The following CSMD1 variants were observed in gnomAD, a reference collection of about 807,000 sequenced individuals.
CSMD1 encodes the protein CUB and Sushi multiple domains 1.
Under a neutral mutation model 417.5 loss-of-function variants are expected in CSMD1, and 213 were observed. That is an observed-to-expected ratio of 0.51 (90% CI 0.46 to 0.57). The LOEUF (loss-of-function observed/expected upper bound fraction) is 0.57, where lower values mean the gene tolerates loss of function less well. Ranked by LOEUF, CSMD1 falls within the 20% of genes least tolerant of loss-of-function variation. The probability of loss-of-function intolerance (pLI) is 0.00; values close to 1 mark genes in which losing one functional copy is unlikely to be tolerated. For synonymous variants in CSMD1, 2,862 were observed against 1,736.8 expected (o/e 1.65, Z -16.11); for missense variants, 6,923 against 4,529.7 (o/e 1.53, Z -15.17).
rs17419121 is a variant in CSMD1 at position 4,765,041 on chromosome 8, G to T, written c.86-127483C>A. Among the ~76,000 whole-genome samples, 1,185 of 152,072 alleles carry T rather than the reference G, an allele frequency of 7.8e-3. 9 individuals are homozygous for T. The highest frequency in any genetic ancestry group is 0.012 in the Non-Finnish European group (844 of 67,998). On this transcript the variant is annotated intron_variant, in intron 1 of 69. Transcript: ENST00000635120. ...TTTAATTAAGCAACTGCATGTTTTC[G>T]CACCTATGTAGAGAGCTATCACACA...
chr8:4,574,635 G>C (rs1336616284), intron 2 of CSMD1, among the ~76,000 whole-genome samples: 1 of 152,184 alleles, frequency 6.6e-6, no homozygotes, highest in African/African-American at 2.4e-5. Context: ...ACATTAATGG[G>C]AGACACTTAA....
intron 3 of CSMD1, among the ~76,000 whole-genome samples, chr8:4,328,497 C>G (rs1253054663): frequency 2.0e-5 from 3 of 151,924 alleles, no homozygotes; most frequent in African/African-American, 4.8e-5. Context: ...ATTAGAAATA[C>G]TCCTCCTGCT....
At chr8:4,333,960 C>G (rs530908993) in intron 3 of CSMD1, among the ~76,000 whole-genome samples, 1 of 152,240 alleles carries the variant, frequency 6.6e-6, no homozygotes, top group South Asian at 2.1e-4. Flanking sequence ...GACACCATCA[C>G]GGCTCACTGC....
chr8:3,563,851 C>T (rs1033177221), intron 10 of CSMD1, among the ~76,000 whole-genome samples: 7 of 152,088 alleles, frequency 4.6e-5, no homozygotes, highest in South Asian at 2.1e-4. Flanking sequence ...AGTATGCCAT[C>T]GCACTCCAGC....
chr8:3,611,150 T>G (rs2469326), intron 8 of CSMD1, among the ~76,000 whole-genome samples: 1 of 149,834 alleles, frequency 6.7e-6, no homozygotes, highest in African/African-American at 2.5e-5. Context: ...AGTTAATGGC[T>G]GCAGCACACC....
intron 7 of CSMD1, among the ~76,000 whole-genome samples, chr8:3,701,361 T>C (rs2623584): frequency 0.96 from 145,539 of 152,164 alleles, 69,668 homozygotes; most frequent in East Asian, 1. Flanking sequence ...CTTCTCTTTT[T>C]CTTTGTCTCA....
At chr8:4,191,918 T>A (rs895037881) in intron 3 of CSMD1, among the ~76,000 whole-genome samples, 1 of 152,118 alleles carries the variant, frequency 6.6e-6, no homozygotes, top group African/African-American at 2.4e-5. Context: ...AAGTGAGCAT[T>A]AGCACAATTC....
chr8:4,574,879 G>C (rs1799065548), intron 2 of CSMD1, among the ~76,000 whole-genome samples: 2 of 152,112 alleles, frequency 1.3e-5, no homozygotes, highest in Non-Finnish European at 1.5e-5. Context: ...AATTTAAATA[G>C]ACTTTCTTTG....
chr8:4,361,138 G>C (rs13267028), intron 3 of CSMD1, among the ~76,000 whole-genome samples: 14,392 of 152,142 alleles, frequency 0.095, 985 homozygotes, highest in African/African-American at 0.18. Context: ...TCTCTGAGCT[G>C]AAGCTTTATC....
chr8:4,498,324 G>GAC, intron 2 of CSMD1, among the ~76,000 whole-genome samples: 1 of 152,050 alleles, frequency 6.6e-6, no homozygotes, highest in East Asian at 1.9e-4. Flanking sequence ...TAACTATTTA[G>GAC]ACACACACAC....
intron 37 of CSMD1, among the ~76,000 whole-genome samples, chr8:3,176,287 C>G (rs1043999361): frequency 9.9e-5 from 15 of 152,208 alleles, no homozygotes; most frequent in African/African-American, 3.6e-4. Flanking sequence ...AATAATTAAT[C>G]TTTAATGAGA....
Position 4,842,710 on chromosome 8 carries a change from G to A in CSMD1, c.85+151622C>T, listed in dbSNP as rs151147930. On this transcript the variant is annotated intron_variant, in intron 1 of 69. Coordinates refer to ENST00000635120, the MANE Select transcript of CSMD1 (RefSeq NM_033225.6). ...TAAAAACAATTATTATGAGCTAGATGCTACTAGAACAAAAGAGTTTTTGAA... is the reference window on the plus strand; with the variant it reads ...TAAAAACAATTATTATGAGCTAGATACTACTAGAACAAAAGAGTTTTTGAA... 2.7e-3 allele frequency among the ~76,000 whole-genome samples: 406 copies of A among 152,320 alleles called. 2 individuals are homozygous for A. Among genetic ancestry groups the A allele is most frequent in the African/African-American group, 9.4e-3 (392 of 41,580 alleles).
chr8:4,221,792 T>A (rs572334640), intron 3 of CSMD1, among the ~76,000 whole-genome samples: 2 of 152,282 alleles, frequency 1.3e-5, no homozygotes, highest in South Asian at 4.1e-4. Context: ...TTCTGAAAGG[T>A]GGACCTCCAA....
intron 5 of CSMD1, among the ~76,000 whole-genome samples, chr8:3,948,505 G>C (rs530663213): frequency 5.3e-4 from 81 of 152,124 alleles, no homozygotes; most frequent in African/African-American, 1.8e-3. Flanking sequence ...TGAATAGTTT[G>C]TCTTCTTATA....
intron 1 of CSMD1, among the ~76,000 whole-genome samples, chr8:4,950,299 A>G (rs1268709292): frequency 6.6e-6 from 1 of 152,168 alleles, no homozygotes; most frequent in East Asian, 1.9e-4. Context: ...CTGATTAGTA[A>G]GTAAATGATT....
intron 37 of CSMD1, among the ~76,000 whole-genome samples, chr8:3,162,851 A>T (rs945238868): frequency 2.6e-5 from 4 of 152,214 alleles, no homozygotes; most frequent in Non-Finnish European, 5.9e-5. Flanking sequence ...TAAAGCTGTA[A>T]TCCTGCACTT....
intron 3 of CSMD1, among the ~76,000 whole-genome samples, chr8:4,189,772 G>A (rs950049738): frequency 6.6e-6 from 1 of 151,988 alleles, no homozygotes; most frequent in Non-Finnish European, 1.5e-5. Flanking sequence ...GATTAAACAG[G>A]CACACAAAGG....
intron 1 of CSMD1, among the ~76,000 whole-genome samples, chr8:4,789,257 G>A (rs1039100936): frequency 2.0e-5 from 3 of 152,298 alleles, no homozygotes; most frequent in Non-Finnish European, 1.5e-5. Flanking sequence ...CATCTATGAA[G>A]ATGATCTGAA....
intron 26 of CSMD1, among the ~76,000 whole-genome samples, chr8:3,273,167 T>A (rs1801999868): frequency 6.6e-6 from 1 of 151,232 alleles, no homozygotes; most frequent in South Asian, 2.1e-4. Context: ...GTCAAAGGCC[T>A]TTTCTGCGTC....
Sources: gnomAD v4.1 joint callset for allele counts (sites outside exome capture counted in the v4.1 genomes callset) on GRCh38, gnomAD v4.1.1 for gene constraint, MANE v1.5 for transcripts, NCBI Gene and HGNC (gene_info 2026-07-23, HGNC 2026-07-21) for gene names.